CENPQ: variants seen among roughly 807,000 people sequenced by gnomAD.
The protein encoded by CENPQ is centromere protein Q, also known as chromosome 6 open reading frame 139.
Under a neutral mutation model 36.6 loss-of-function variants are expected in CENPQ, and 27 were observed. The ratio of observed to expected loss-of-function variants is 0.74; its 90% CI spans 0.54 to 1.02. The LOEUF (loss-of-function observed/expected upper bound fraction) is 1.02. CENPQ is among the 50% of genes least tolerant of loss of function. CENPQ has a pLI of 0.00. For missense variants in CENPQ, 306 were observed against 301.8 expected (o/e 1.01, Z -0.10); for synonymous variants, 101 against 101.7 (o/e 0.99, Z 0.04).
intron 5 of CENPQ, among the ~76,000 whole-genome samples, chr6:49,475,713 A>G (rs1328478904): frequency 1.3e-5 from 2 of 152,240 alleles, no homozygotes; most frequent in South Asian, 2.1e-4. Context: ...GCTGATAAGC[A>G]ACTTCAGCAA....
At chr6:49,474,038 A>G (rs1768212717) in intron 5 of CENPQ, among the ~76,000 whole-genome samples, 1 of 152,124 alleles carries the variant, frequency 6.6e-6, no homozygotes, top group Non-Finnish European at 1.5e-5. Context: ...GAGACCTACA[A>G]AGAGACTTAG....
intron 5 of CENPQ, 144 bp from the exon 6 acceptor site, chr6:49,480,807 G>T: frequency 4.9e-6 from 2 of 411,084 alleles, no homozygotes; most frequent in Non-Finnish European, 8.4e-6. Flanking sequence ...TTTAGAGGGG[G>T]AGATTTACTG....
chr6:49,472,183 T>G lies in CENPQ; in HGVS notation c.278T>G (p.Met93Arg), dbSNP rs1768154100. 6.2e-7 allele frequency: 1 copy of G among 1,603,820 alleles called. No homozygotes were observed. The highest frequency in any genetic ancestry group is 1.7e-5 in the Admixed American group (1 of 58,442). ...CAAACTATGATGGAATCAGTAATAA[T>G]GTGAGTATAAAATTGTTCCATTTCA... Reference protein sequence around the residue: ...HLQTMMESVIMTILSNSIKEK... With the variant: ...HLQTMMESVIRTILSNSIKEK... The change falls in exon 4 of 9, where the codon ATG becomes AGG. Residue 93 changes from methionine to arginine, a missense_variant and splice_region_variant. Transcript: ENST00000335783.
intron 6 of CENPQ, among the ~76,000 whole-genome samples, chr6:49,482,614 G>A (rs1192487454): frequency 3.9e-5 from 6 of 151,990 alleles, no homozygotes; most frequent in Admixed American, 2.6e-4. Flanking sequence ...TCTGTAGCTT[G>A]ATGGCCTCGA....
chr6:49,477,993 G>T (rs139245734), intron 5 of CENPQ, among the ~76,000 whole-genome samples: 1 of 152,244 alleles, frequency 6.6e-6, no homozygotes, highest in Non-Finnish European at 1.5e-5. Context: ...CATTGGAAAA[G>T]ATTATATTCA....
chr6:49,472,149 G>C lies in CENPQ; in HGVS notation c.244G>C (p.Asp82His), dbSNP rs1433536750. The change falls in exon 4 of 9, where the codon GAC becomes CAC. Residue 82 changes from aspartate to histidine, a missense_variant. Physicochemically the swap from Asp to His is moderately conservative, Grantham distance 81. Transcript: ENST00000335783. ...GCAACCTCTGTCAAAGAGTACCAGA[G>C]ACCATTTGCAAACTATGATGGAATC... Reference protein sequence around the residue: ...TWQPLSKSTRDHLQTMMESVI... With the variant: ...TWQPLSKSTRHHLQTMMESVI... 6 of 1,612,220 alleles carry C rather than the reference G, an allele frequency of 3.7e-6. No homozygotes were observed. Among genetic ancestry groups the C allele is most frequent in the Non-Finnish European group, 5.1e-6 (6 of 1,179,180 alleles).
At chr6:49,476,389 G>C (rs1768292952) in intron 5 of CENPQ, among the ~76,000 whole-genome samples, 1 of 152,116 alleles carries the variant, frequency 6.6e-6, no homozygotes, top group Non-Finnish European at 1.5e-5. Flanking sequence ...GCTGAAACTG[G>C]ATCCCTTCCT....
intron 5 of CENPQ, among the ~76,000 whole-genome samples, chr6:49,475,415 G>T (rs1488476405): frequency 7.2e-5 from 11 of 152,138 alleles, no homozygotes; most frequent in Non-Finnish European, 2.9e-5. Context: ...GTATTGAGGG[G>T]ATGTATCTGA....
intron 5 of CENPQ, among the ~76,000 whole-genome samples, chr6:49,475,498 C>T (rs888396160): frequency 1.3e-5 from 2 of 152,182 alleles, no homozygotes; most frequent in Admixed American, 1.3e-4. Context: ...GAAGCATTCC[C>T]TTTGAAAACT....
At position 49,488,683 on chromosome 6, in the gene CENPQ, A is replaced by G; in HGVS notation, c.674A>G (p.Gln225Arg). ...AAAACTCTCAAAGCACCCACACTTC[A>G]GGTAAGTGCCTATTTACCATATTGA... ...SQKTLKAPTLQKEILALIPNQ... is the reference protein window; with the variant it reads ...SQKTLKAPTLRKEILALIPNQ... The change falls in exon 8 of 9, where the codon CAG (glutamine) becomes CGG (arginine). Residue 225 changes from glutamine (Q) to arginine (R), a missense_variant and splice_region_variant. By Grantham distance (43) the Gln-to-Arg change is conservative. Transcript: ENST00000335783. The G allele has an allele frequency of 6.2e-7, 1 of 1,609,764 alleles. No individual in the cohort carries two copies. The highest frequency in any genetic ancestry group is 8.5e-7 in the Non-Finnish European group (1 of 1,176,210).
chr6:49,468,522 A>G (rs1043738728), intron 1 of CENPQ, among the ~76,000 whole-genome samples: 4 of 151,914 alleles, frequency 2.6e-5, no homozygotes, highest in Non-Finnish European at 5.9e-5. Context: ...TAAACCTGGG[A>G]GGCAGAGGTT....
chr6:49,492,456 G>A lies in CENPQ; in HGVS notation c.*181G>A. 2.0e-6 allele frequency: 1 copy of A among 492,638 alleles called. No individual in the cohort carries two copies. The highest frequency in any genetic ancestry group is 3.4e-6 in the Non-Finnish European group (1 of 295,016). 30.5% of individuals were successfully genotyped at this position (492,638 alleles called of 1,614,324 possible). A position where few individuals can be genotyped will look rare whatever the true frequency, so the allele number is the denominator to read the frequency against. ...AGCATCTAATGTAGTTCTGAAGACT[G>A]TTTTTAGCAGTTGCCAAATCTAGGA... On this transcript the variant is annotated 3_prime_UTR_variant, in exon 9 of 9. Transcript: ENST00000335783.
intron 3 of CENPQ, 35 bp downstream of exon 3, chr6:49,471,063 C>G (rs760819476): frequency 8.6e-7 from 1 of 1,165,818 alleles, no homozygotes; most frequent in South Asian, 1.8e-5. Flanking sequence ...TAACCTGCTT[C>G]TATATCAAGC....
chr6:49,480,550 G>A (rs1360366779), intron 5 of CENPQ, among the ~76,000 whole-genome samples: 1 of 152,080 alleles, frequency 6.6e-6, no homozygotes, highest in Admixed American at 6.5e-5. Context: ...GGGGTCCAGG[G>A]TCATAGTTAA....
intron 1 of CENPQ, among the ~76,000 whole-genome samples, chr6:49,468,473 A>G (rs1768055095): frequency 6.6e-6 from 1 of 152,050 alleles, no homozygotes; most frequent in Admixed American, 6.6e-5. Context: ...GGGTGCCTGT[A>G]GTCCCAGCTA....
intron 5 of CENPQ, among the ~76,000 whole-genome samples, chr6:49,476,848 C>T (rs1258202277): frequency 6.6e-6 from 1 of 152,040 alleles, no homozygotes; most frequent in Non-Finnish European, 1.5e-5. Flanking sequence ...ATCAGAGAAA[C>T]GCAAATCAAA....
chr6:49,480,909 C>T (rs1261768658), intron 5 of CENPQ, 42 bp from the exon 6 acceptor site: 1 of 1,426,006 alleles, frequency 7.0e-7, no homozygotes. Context: ...AATAATAGTA[C>T]TCAAAAATAA....
At position 49,474,470 on chromosome 6, in the gene CENPQ, G is replaced by A. The variant is rs537975693; in HGVS notation, c.347+1612G>A. Among the ~76,000 whole-genome samples the A allele has an allele frequency of 3.7e-3, 563 of 152,190 alleles. 1 individual carries two copies. The highest frequency in any genetic ancestry group is 0.013 in the African/African-American group (541 of 41,524). ...AATAAAGATGTTCTTTGAAACCAAC[G>A]AGAACAAAGACACAACATACCAGAA... On this transcript the variant is annotated intron_variant, in intron 5 of 8. Transcript: ENST00000335783.
At chr6:49,481,321 G>A (rs1320071852) in intron 6 of CENPQ, among the ~76,000 whole-genome samples, 1 of 152,078 alleles carries the variant, frequency 6.6e-6, no homozygotes, top group Non-Finnish European at 1.5e-5. Context: ...CGGAATTGGT[G>A]GGTTCTTGGT....
Sources: gnomAD v4.1 joint callset for allele counts (sites outside exome capture counted in the v4.1 genomes callset) on GRCh38, gnomAD v4.1.1 for gene constraint, MANE v1.5 for transcripts, NCBI Gene and HGNC (gene_info 2026-07-23, HGNC 2026-07-21) for gene names.